The following FIRRM variants were observed in gnomAD, a reference collection of about 807,000 sequenced individuals.
The protein encoded by FIRRM is FIGNL1-interacting regulator of recombination and mitosis.
chr1:169,845,217 G>A, the FIRRM span, among the ~76,000 whole-genome samples: 15 of 152,164 alleles, frequency 9.9e-5, no homozygotes, highest in Non-Finnish European at 1.8e-4. Flanking sequence ...TGTAGGTTGT[G>A]TATAATAGCA....
chr1:169,795,351 A>G, the FIRRM span: 1 of 1,405,224 alleles, frequency 7.1e-7, no homozygotes, highest in Non-Finnish European at 9.4e-7. Context: ...TTTGTCAGTG[A>G]GTGGGATGAA....
chr1:169,819,521 C>G, the FIRRM span, among the ~76,000 whole-genome samples: 2 of 152,214 alleles, frequency 1.3e-5, no homozygotes, highest in African/African-American at 4.8e-5. Context: ...TGAGAGGGAT[C>G]TATCCACTTT....
the FIRRM span, among the ~76,000 whole-genome samples, chr1:169,800,002 G>A: frequency 6.6e-6 from 1 of 152,164 alleles, no homozygotes; most frequent in Non-Finnish European, 1.5e-5. Context: ...GTGATTACAG[G>A]TCTGAGCCAT....
chr1:169,837,395 G>T, the FIRRM span, among the ~76,000 whole-genome samples: 1,856 of 152,208 alleles, frequency 0.012, 17 homozygotes, highest in South Asian at 0.024. Context: ...GTGTATTTTT[G>T]CTGATGTATC....
chr1:169,795,116 G>C, the FIRRM span: 1 of 1,536,072 alleles, frequency 6.5e-7, no homozygotes, highest in Non-Finnish European at 8.7e-7. Flanking sequence ...TCTCAGGAAG[G>C]TGCGGTCCCA....
At chr1:169,830,744 T>C in the FIRRM span, 4 of 1,613,848 alleles carry the variant, frequency 2.5e-6, no homozygotes, top group Non-Finnish European at 3.4e-6. Context: ...TAGTGGCTCA[T>C]CTGGTGCGTA....
the FIRRM span, among the ~76,000 whole-genome samples, chr1:169,848,546 T>G: frequency 5.3e-5 from 8 of 152,210 alleles, no homozygotes; most frequent in Non-Finnish European, 1.5e-5. Context: ...ACCAAAAATT[T>G]AATTTCTAAG....
the FIRRM span, among the ~76,000 whole-genome samples, chr1:169,835,592 T>C: frequency 1.3e-5 from 2 of 152,226 alleles, no homozygotes; most frequent in African/African-American, 4.8e-5. Flanking sequence ...CTTTAGTCTT[T>C]TATGAACTAT....
chr1:169,821,771 T>G, the FIRRM span: 1 of 1,531,312 alleles, frequency 6.5e-7, no homozygotes. Flanking sequence ...TAAGGCTTTA[T>G]TATACGTTAC....
the FIRRM span, among the ~76,000 whole-genome samples, chr1:169,825,406 T>C: frequency 1.3e-5 from 2 of 152,334 alleles, no homozygotes; most frequent in East Asian, 3.9e-4. Context: ...AACTGTCCCC[T>C]TTCATTAGAA....
At chr1:169,838,127 C>T in the FIRRM span, among the ~76,000 whole-genome samples, 1 of 151,908 alleles carries the variant, frequency 6.6e-6, no homozygotes, top group African/African-American at 2.4e-5. Context: ...TTAGTAGAGA[C>T]GGACTTTCAC....
chr1:169,826,396 T>C, the FIRRM span, among the ~76,000 whole-genome samples: 1 of 128,904 alleles, frequency 7.8e-6, no homozygotes, highest in African/African-American at 3.1e-5. Context: ...AGAGTTTCAC[T>C]CTGCCGCCCA....
the FIRRM span, chr1:169,843,742 A>G: frequency 6.2e-7 from 1 of 1,609,182 alleles, no homozygotes; most frequent in Non-Finnish European, 8.5e-7. Context: ...TTTTCATTCA[A>G]ACTCTAGATC....
At chr1:169,784,052 C>G in the FIRRM span, 1 of 153,398 alleles carries the variant, frequency 6.5e-6, no homozygotes, top group African/African-American at 2.4e-5. Flanking sequence ...CCCCAAAATG[C>G]TGGGATCTCA....
At chr1:169,806,902 T>C in the FIRRM span, among the ~76,000 whole-genome samples, 2 of 152,248 alleles carry the variant, frequency 1.3e-5, no homozygotes, top group South Asian at 4.1e-4. Context: ...AGTTCATCAC[T>C]GTGAAATGCT....
chr1:169,851,141 A>G, the FIRRM span: 1 of 144,158 alleles, frequency 6.9e-6, no homozygotes, highest in Admixed American at 7.4e-5. Context: ...ATTTTGAATC[A>G]CAAGGTTCCT....
the FIRRM span, among the ~76,000 whole-genome samples, chr1:169,825,797 T>G: frequency 2.0e-5 from 3 of 152,214 alleles, no homozygotes; most frequent in African/African-American, 7.2e-5. Context: ...TTATCTTAAG[T>G]GCATACTTTA....
the FIRRM span, among the ~76,000 whole-genome samples, chr1:169,840,627 C>CA: frequency 8.6e-5 from 13 of 151,776 alleles, no homozygotes; most frequent in African/African-American, 3.1e-4. Context: ...TCTCCTGCCT[C>CA]AGCCTCCCGA....
At chr1:169,830,229 A>G in the FIRRM span, 1 of 1,545,844 alleles carries the variant, frequency 6.5e-7, no homozygotes, top group Middle Eastern at 1.8e-4. Flanking sequence ...TTTAGTATTT[A>G]AATAAATTAA....
Sources: allele counts gnomAD v4.1 joint callset (sites outside exome capture counted in the v4.1 genomes callset), GRCh38; gene constraint gnomAD v4.1.1; transcripts MANE v1.5; gene names NCBI Gene and HGNC (gene_info 2026-07-23, HGNC 2026-07-21).